The following HERC1 variants were observed in gnomAD, a reference collection of about 807,000 sequenced individuals.
The protein encoded by HERC1 is HECT and RLD domain containing E3 ubiquitin protein ligase family member 1.
A neutral mutation model predicts 554.3 loss-of-function variants in HERC1; 160 were observed. The observed-to-expected ratio is 0.29, with a 90% CI of 0.25 to 0.33. HERC1 has a LOEUF of 0.33. HERC1 is among the 10% of genes least tolerant of loss of function. The pLI, the probability that HERC1 is intolerant of heterozygous loss-of-function variation, is 1.00. For synonymous variants in HERC1, 2,175 were observed against 2,131.7 expected (o/e 1.02, Z -0.56); for missense variants, 4,919 against 5,918.5 (o/e 0.83, Z 5.54).
rs952488584 is a variant in HERC1 at position 63,678,173 on chromosome 15, T to G, written c.6742A>C (p.Ile2248Leu). ...TTTAGCTTCTGACCTGACTCTTTAA[T>G]ACATATCTTAATTTTGTGAAGCCTT... is the stretch of plus-strand genomic sequence containing the variant. Reference protein sequence around the residue: ...MERLHKIKICIKESGQKLKKS... With the variant: ...MERLHKIKICLKESGQKLKKS... Residue 2248 changes from isoleucine (I) to leucine (L), a missense_variant, in exon 37 of 78, where the codon ATT becomes CTT. By Grantham distance (5) the Ile-to-Leu change is conservative (BLOSUM62 2). Coordinates refer to ENST00000443617, the MANE Select transcript of HERC1 (RefSeq NM_003922.4). The G allele has an allele frequency of 1.2e-6, 2 of 1,613,840 alleles. No homozygotes were observed. The highest frequency in any genetic ancestry group is 1.7e-6 in the Non-Finnish European group (2 of 1,179,862).
In HERC1 at chr15:63,638,130, T is replaced by C. The variant is rs118127176; in HGVS notation, c.12093+281A>G. On this transcript the variant is annotated intron_variant, in intron 63 of 77. Coordinates refer to ENST00000443617, the MANE Select transcript of HERC1 (RefSeq NM_003922.4). ...TTAGCCCCAAAGAGAAAATCACTAA[T>C]TAGGAGTATCTAAACTGCTAGAAAT... Among the ~76,000 whole-genome samples, 565 of 152,260 alleles carry C rather than the reference T, an allele frequency of 3.7e-3. 2 individuals are homozygous for C. The highest frequency in any genetic ancestry group is 6.5e-3 in the Non-Finnish European group (439 of 68,004).
At chr15:63,759,093 T>C (rs763178353) in intron 3 of HERC1, among the ~76,000 whole-genome samples, 1 of 152,166 alleles carries the variant, frequency 6.6e-6, no homozygotes, top group Admixed American at 6.5e-5. Flanking sequence ...TTTTTAAGGA[T>C]ATAGTTGTTA....
rs375728607 is a variant in HERC1, at chr15:63,716,273, T to C, written c.4150+29A>G. On this transcript the variant is annotated intron_variant, in intron 22 of 77. Coordinates refer to ENST00000443617, the MANE Select transcript of HERC1 (RefSeq NM_003922.4). ...CTATCAAAAAGCATGCCACAGTTTG[T>C]ATCTAGAAAGTAAGAAGGGTATACT... The C allele has an allele frequency of 4.4e-6, 7 of 1,574,662 alleles. No homozygotes were observed. The African/African-American group carries it at 8.2e-5, about 18-fold the overall frequency.
chr15:63,780,874 T>C (rs1244598351), intron 1 of HERC1, among the ~76,000 whole-genome samples: 1 of 152,188 alleles, frequency 6.6e-6, no homozygotes, highest in Non-Finnish European at 1.5e-5. Flanking sequence ...AAAACATATA[T>C]GAAAGTAGTT....
intron 68 of HERC1, 159 bp from the exon 69 acceptor site, chr15:63,630,794 G>A (rs998834366): frequency 1.5e-5 from 8 of 548,928 alleles, no homozygotes; most frequent in South Asian, 1.2e-4. Flanking sequence ...GGTACACCAC[G>A]TTCTGAATAA....
chr15:63,723,088 G>T, intron 19 of HERC1, 94 bp downstream of exon 19: 1 of 702,918 alleles, frequency 1.4e-6, no homozygotes, highest in Non-Finnish European at 2.1e-6. Context: ...AAAAAAGGGT[G>T]ATCCCTATAA....
At chr15:63,684,882 G>A (rs965202523) in intron 34 of HERC1, among the ~76,000 whole-genome samples, 10 of 152,126 alleles carry the variant, frequency 6.6e-5, no homozygotes, top group East Asian at 1.9e-4. Context: ...GGTGGCAGGC[G>A]CCTGTAGTCC....
chr15:63,611,938 A>G (rs938642957), intron 77 of HERC1, among the ~76,000 whole-genome samples: 1 of 152,180 alleles, frequency 6.6e-6, no homozygotes, highest in Admixed American at 6.5e-5. Flanking sequence ...TAATCCCAGC[A>G]CTTTGGGAGG....
chr15:63,739,933 C>A (rs1206637282), intron 12 of HERC1, among the ~76,000 whole-genome samples: 1 of 150,186 alleles, frequency 6.7e-6, no homozygotes, highest in Non-Finnish European at 1.5e-5. Context: ...TTTTTTCAGA[C>A]AGAGTCTCAC....
intron 65 of HERC1, among the ~76,000 whole-genome samples, chr15:63,635,303 C>A (rs1197134817): frequency 6.6e-6 from 1 of 152,188 alleles, no homozygotes; most frequent in Non-Finnish European, 1.5e-5. Flanking sequence ...CTTGCCTTGG[C>A]CTCCCAAAGT....
At chr15:63,628,604 T>C (rs1369804227) in intron 70 of HERC1, 73 bp downstream of exon 70, 7 of 1,450,786 alleles carry the variant, frequency 4.8e-6, no homozygotes, top group Non-Finnish European at 4.6e-6. Flanking sequence ...AGTTGGGAAC[T>C]GGCAAGCAGA....
At chr15:63,770,146 G>A (rs1017924746) in intron 2 of HERC1, among the ~76,000 whole-genome samples, 8 of 152,034 alleles carry the variant, frequency 5.3e-5, no homozygotes, top group Admixed American at 1.3e-4. Context: ...CATACATCCC[G>A]GGGCTTGCTC....
At chr15:63,622,397 G>A (rs1236769543) in intron 74 of HERC1, among the ~76,000 whole-genome samples, 2 of 142,328 alleles carry the variant, frequency 1.4e-5, no homozygotes, top group South Asian at 2.2e-4. Context: ...GCCTGATCTC[G>A]GCTCACTGCA....
intron 25 of HERC1, among the ~76,000 whole-genome samples, chr15:63,706,153 C>T (rs1278563657): frequency 6.6e-6 from 1 of 151,468 alleles, no homozygotes; most frequent in African/African-American, 2.4e-5. Context: ...AATTTGTACA[C>T]ACAACCATGA....
At chr15:63,695,383 CTT>C (rs35039072) in intron 27 of HERC1, among the ~76,000 whole-genome samples, 23,600 of 103,880 alleles carry the variant, frequency 0.23, 2,506 homozygotes, top group Middle Eastern at 0.35. Context: ...TCTGTATAAT[CTT>C]TTTTTTTTTT....
At chr15:63,814,540 T>C (rs1044624231) in intron 1 of HERC1, among the ~76,000 whole-genome samples, 6 of 152,220 alleles carry the variant, frequency 3.9e-5, no homozygotes, top group Non-Finnish European at 7.3e-5. Context: ...CACCACAACT[T>C]CCACCTCCCA....
In HERC1 at chr15:63,727,888, TA is replaced by T; in HGVS notation, c.3155-51del. The T allele has an allele frequency of 2.8e-6, 4 of 1,436,810 alleles. No individual in the cohort carries two copies. Among genetic ancestry groups the T allele is most frequent in the Admixed American group, 1.9e-5 (1 of 52,410 alleles). The allele number at this position is 1,436,810 out of a possible 1,614,324, so 89.0% of individuals were successfully genotyped here. A position where few individuals can be genotyped will look rare whatever the true frequency, so the allele number is the denominator to read the frequency against. ...TGGGACAATTGCTTCAAATGAACTT[TA>T]AAAAAAGGAACCTAATAAATATTAT... On this transcript the variant is annotated intron_variant, in intron 16 of 77. Coordinates refer to ENST00000443617, the MANE Select transcript of HERC1 (RefSeq NM_003922.4). This position sits in a 1 kb window ranked among gnomAD's most constrained non-coding sequence, Gnocchi z 4.3.
chr15:63,760,006 C>T (rs1051449996), intron 3 of HERC1, among the ~76,000 whole-genome samples: 2 of 152,262 alleles, frequency 1.3e-5, no homozygotes, highest in East Asian at 3.9e-4. Flanking sequence ...TGCTCATCTA[C>T]AGGTCTATCA....
rs376143004 is a variant in HERC1 at position 63,660,542 on chromosome 15, C to G, written c.9223+431G>C. 3.0e-4 allele frequency among the ~76,000 whole-genome samples: 46 copies of G among 152,188 alleles called. No individual in the cohort carries two copies. In the Middle Eastern group the frequency reaches 0.014, roughly 45 times the overall value. On this transcript the variant is annotated intron_variant, in intron 46 of 77. Transcript: ENST00000443617. ...CTACAGCTGGTAATAGAGGTTTAAA[C>G]TAATTAAAAATATTGTCATGGGTCC...
Sources: gnomAD v4.1 joint callset for allele counts (sites outside exome capture counted in the v4.1 genomes callset) on GRCh38, gnomAD v4.1.1 for gene constraint, Gnocchi (gnomAD v3.1) non-coding constraint, MANE v1.5 for transcripts, NCBI Gene and HGNC (gene_info 2026-07-23, HGNC 2026-07-21) for gene names.